The following CHST9 variants were observed in gnomAD, a reference collection of about 807,000 sequenced individuals.
CHST9 encodes carbohydrate sulfotransferase 9, also known as GalNAc-4-sulfotransferase 2.
In CHST9, 41 loss-of-function variants were observed where a neutral mutation model predicts 44.4. The ratio of observed to expected loss-of-function variants is 0.92; its 90% CI spans 0.72 to 1.20. The LOEUF (loss-of-function observed/expected upper bound fraction) is 1.20. Among genes scored for constraint, CHST9 ranks in the 50% most tolerant of loss-of-function variants. The pLI is 0.00. For synonymous variants in CHST9, 171 were observed against 178.4 expected, an observed-to-expected ratio of 0.96 and a Z score of 0.33; for missense variants, 504 against 516.5, an observed-to-expected ratio of 0.98 and a Z score of 0.23.
chr18:27,167,565 T>C lies in CHST9; in HGVS notation c.-97+17571A>G, dbSNP rs527365007. ...AATACTTTAGTTGTCATTCATCAAA[T>C]ATATTTTCAGGACCTATTATTACAC... On this transcript the variant is annotated intron_variant, in intron 1 of 5. Coordinates refer to ENST00000618847, the MANE Select transcript of CHST9 (RefSeq NM_031422.6). 2.0e-5 allele frequency among the ~76,000 whole-genome samples: 3 copies of C among 152,362 alleles called. No individual in the cohort carries two copies. In the East Asian group the frequency reaches 5.8e-4, roughly 29 times the overall value.
chr18:27,071,032 C>T (rs1432013710), intron 2 of CHST9, among the ~76,000 whole-genome samples: 1 of 152,196 alleles, frequency 6.6e-6, no homozygotes, highest in Non-Finnish European at 1.5e-5. Flanking sequence ...GGCTCCACCT[C>T]CCTGTGGCCA....
rs1157970073 is a variant in CHST9 at position 26,916,313 on chromosome 18, A to G, written c.1278T>C (p.Tyr426=). The change falls in exon 6 of 6, where the codon TAT becomes TAC. Residue 426 remains tyrosine (Y), a synonymous_variant. Coordinates refer to ENST00000618847, the MANE Select transcript of CHST9 (RefSeq NM_031422.6). ...TTAAATAGTCCAAGTAATAAAAGTC[A>G]TAGATTAATTGTCTCTCAGTTCTAG... is the stretch of plus-strand genomic sequence containing the variant. The part of the protein sequence containing the change: ...DLTRTERQLI[Y]DFYYLDYLMF... 3 of 1,605,818 alleles carry G rather than the reference A, an allele frequency of 1.9e-6. No individual in the cohort carries two copies. Among genetic ancestry groups the G allele is most frequent in the Non-Finnish European group, 2.6e-6 (3 of 1,173,356 alleles).
chr18:26,996,864 T>C (rs2056893814), intron 4 of CHST9, among the ~76,000 whole-genome samples: 1 of 152,236 alleles, frequency 6.6e-6, no homozygotes, highest in African/African-American at 2.4e-5. Flanking sequence ...GACTCTATGC[T>C]GCTTGTCAGA....
chr18:26,967,601 T>C (rs1442497475), intron 4 of CHST9, among the ~76,000 whole-genome samples: 1 of 152,234 alleles, frequency 6.6e-6, no homozygotes, highest in African/African-American at 2.4e-5. Flanking sequence ...GTAATCTTTG[T>C]GTACTCATGC....
At chr18:27,105,160 AATTT>A (rs1234495201) in intron 2 of CHST9, among the ~76,000 whole-genome samples, 2 of 152,080 alleles carry the variant, frequency 1.3e-5, no homozygotes, top group Admixed American at 1.3e-4. Context: ...TTTAAAAAAT[AATTT>A]ATTACTATAA....
chr18:26,994,520 T>C (rs1037236445), intron 4 of CHST9, among the ~76,000 whole-genome samples: 4 of 152,184 alleles, frequency 2.6e-5, no homozygotes, highest in Non-Finnish European at 5.9e-5. Flanking sequence ...TGGCTCTCAG[T>C]GGTCTGCACC....
chr18:26,924,175 C>T (rs1185957588), intron 5 of CHST9, among the ~76,000 whole-genome samples: 2 of 152,030 alleles, frequency 1.3e-5, no homozygotes, highest in East Asian at 3.9e-4. Flanking sequence ...TATGATTGTC[C>T]ATCAGGAATC....
chr18:26,919,868 G>A (rs559408335), intron 5 of CHST9, among the ~76,000 whole-genome samples: 12 of 152,226 alleles, frequency 7.9e-5, no homozygotes, highest in Middle Eastern at 3.4e-3. Flanking sequence ...TCTCAAGTAG[G>A]TGAAACTTGA....
At chr18:27,169,598 C>CTTTTTTTTTTT (rs1156859087) in intron 1 of CHST9, among the ~76,000 whole-genome samples, 13 of 82,160 alleles carry the variant, frequency 1.6e-4, no homozygotes, top group Non-Finnish European at 1.8e-4. Context: ...ATATATTCTT[C>CTTTTTTTTTTT]TTTTTTTTTT....
rs1414213921 is a variant in CHST9, at chr18:27,072,216, C to T, written c.122-23713G>A. Among the ~76,000 whole-genome samples, 3 of 152,332 alleles carry T rather than the reference C, an allele frequency of 2.0e-5. No individual in the cohort carries two copies. The East Asian group carries it at 5.8e-4, about 29-fold the overall frequency. ...TTTGTGGATTTCAATGCACCAGCCT[C>T]ATTTCCTTGTGTCTGCCACTTCCTT... On this transcript the variant is annotated intron_variant, in intron 2 of 5. Coordinates refer to ENST00000618847, the MANE Select transcript of CHST9 (RefSeq NM_031422.6).
intron 1 of CHST9, among the ~76,000 whole-genome samples, chr18:27,153,271 T>C (rs930244218): frequency 4.6e-5 from 7 of 152,140 alleles, no homozygotes; most frequent in Admixed American, 4.6e-4. Flanking sequence ...GTGGCAGCCA[T>C]AAATTACCAC....
At chr18:27,079,891 G>A (rs2057943813) in intron 2 of CHST9, among the ~76,000 whole-genome samples, 1 of 152,076 alleles carries the variant, frequency 6.6e-6, no homozygotes, top group Admixed American at 6.5e-5. Flanking sequence ...CATCTCTTTG[G>A]ATTCTGACCC....
chr18:27,152,103 C>G (rs1446916872), intron 1 of CHST9, among the ~76,000 whole-genome samples: 1 of 152,126 alleles, frequency 6.6e-6, no homozygotes, highest in African/African-American at 2.4e-5. Flanking sequence ...TTTTGTCATA[C>G]AGAACACAGA....
intron 4 of CHST9, among the ~76,000 whole-genome samples, chr18:26,999,226 G>A (rs959241895): frequency 2.0e-5 from 3 of 152,104 alleles, no homozygotes; most frequent in African/African-American, 7.2e-5. Flanking sequence ...TATGGCTGTC[G>A]ATTTATGGTT....
intron 2 of CHST9, among the ~76,000 whole-genome samples, chr18:27,125,348 A>T (rs1262776226): frequency 6.6e-6 from 1 of 152,200 alleles, no homozygotes; most frequent in Non-Finnish European, 1.5e-5. Flanking sequence ...AACAAGTATT[A>T]ATTGAGACTT....
In CHST9 at chr18:27,028,247, A is replaced by G. The variant is rs370472969; in HGVS notation, c.161-4090T>C. On this transcript the variant is annotated intron_variant, in intron 3 of 5. Coordinates refer to ENST00000618847, the MANE Select transcript of CHST9 (RefSeq NM_031422.6). ...CTTTTATTTTTAGTAACTCAATTTT[A>G]TTGAGTCTTTACAAAACATTTTAAT... is the stretch of plus-strand genomic sequence containing the variant. 7.9e-5 allele frequency among the ~76,000 whole-genome samples: 12 copies of G among 152,210 alleles called. 1 individual carries two copies. The highest frequency in any genetic ancestry group is 2.6e-4 in the African/African-American group (11 of 41,548).
intron 3 of CHST9, among the ~76,000 whole-genome samples, chr18:27,031,655 A>G (rs2057341844): frequency 6.6e-6 from 1 of 152,198 alleles, no homozygotes; most frequent in African/African-American, 2.4e-5. Flanking sequence ...CTGTTACAGG[A>G]TCCAGTATAA....
chr18:27,174,751 TC>T (rs1240905483), intron 1 of CHST9, among the ~76,000 whole-genome samples: 8 of 152,068 alleles, frequency 5.3e-5, no homozygotes, highest in African/African-American at 1.4e-4. Flanking sequence ...ATTCACACAC[TC>T]TGGGTTCACG....
chr18:26,976,091 G>A (rs1014928267), intron 4 of CHST9, among the ~76,000 whole-genome samples: 1 of 151,786 alleles, frequency 6.6e-6, no homozygotes, highest in African/African-American at 2.4e-5. Flanking sequence ...CCAAATCTAC[G>A]CTCAACAGGA....
Sources: allele counts gnomAD v4.1 joint callset (sites outside exome capture counted in the v4.1 genomes callset), GRCh38; gene constraint gnomAD v4.1.1; transcripts MANE v1.5; gene names NCBI Gene and HGNC (gene_info 2026-07-23, HGNC 2026-07-21).